The following SPAG16 variants were observed in gnomAD, a reference collection of about 807,000 sequenced individuals.
SPAG16 encodes sperm associated antigen 16.
SPAG16 carries 86 observed loss-of-function variants against 80.4 expected under a neutral mutation model. That is an observed-to-expected ratio of 1.07 (90% CI 0.90 to 1.28). The LOEUF (loss-of-function observed/expected upper bound fraction) is 1.28, where lower values mean the gene tolerates loss of function less well. Ranked by LOEUF, SPAG16 falls within the 50% of genes most tolerant of loss-of-function variation. The pLI is 0.00. For missense variants in SPAG16, 870 were observed against 765.3 expected, an observed-to-expected ratio of 1.14 and a Z score of -1.61; for synonymous variants, 294 against 265.9, an observed-to-expected ratio of 1.11 and a Z score of -1.03.
chr2:214,185,761 A>C (rs2057447718), intron 15 of SPAG16, among the ~76,000 whole-genome samples: 1 of 152,100 alleles, frequency 6.6e-6, no homozygotes, highest in Admixed American at 6.6e-5. Flanking sequence ...GCTAAATGGA[A>C]CAGATGTATG....
At chr2:213,387,734 G>A (rs552384991) in intron 9 of SPAG16, among the ~76,000 whole-genome samples, 7 of 151,922 alleles carry the variant, frequency 4.6e-5, no homozygotes, top group South Asian at 2.1e-4. Flanking sequence ...GATTACAGGC[G>A]TGAGCCACCG....
At chr2:213,402,174 T>C (rs1182558687) in intron 9 of SPAG16, among the ~76,000 whole-genome samples, 1 of 152,066 alleles carries the variant, frequency 6.6e-6, no homozygotes, top group Admixed American at 6.5e-5. Flanking sequence ...TTTTTAAAAA[T>C]TTATTTCATG....
At chr2:213,737,632 C>A (rs2067348964) in intron 10 of SPAG16, among the ~76,000 whole-genome samples, 1 of 151,848 alleles carries the variant, frequency 6.6e-6, no homozygotes, top group African/African-American at 2.4e-5. Context: ...GGACTATAGG[C>A]GCCCGCCACC....
chr2:213,724,353 T>C (rs191648851), intron 10 of SPAG16, among the ~76,000 whole-genome samples: 147 of 152,174 alleles, frequency 9.7e-4, no homozygotes, highest in Admixed American at 4.3e-3. Flanking sequence ...ATTGGTAACT[T>C]TAGCATTAAG....
chr2:213,594,908 G>A (rs2060835767), intron 10 of SPAG16, among the ~76,000 whole-genome samples: 1 of 151,768 alleles, frequency 6.6e-6, no homozygotes, highest in African/African-American at 2.4e-5. Flanking sequence ...AATGATTTTG[G>A]AATTAACTTA....
intron 10 of SPAG16, among the ~76,000 whole-genome samples, chr2:213,573,878 C>A (rs186149869): frequency 6.6e-6 from 1 of 152,246 alleles, no homozygotes; most frequent in Admixed American, 6.5e-5. Context: ...AAGTTTAGGG[C>A]AACCTAAACC....
intron 9 of SPAG16, among the ~76,000 whole-genome samples, chr2:213,437,013 G>A (rs1201336322): frequency 6.6e-6 from 1 of 151,812 alleles, no homozygotes; most frequent in African/African-American, 2.4e-5. Context: ...CTGGGTTCAC[G>A]CCATTCTCCT....
intron 13 of SPAG16, among the ~76,000 whole-genome samples, chr2:214,095,657 A>C (rs1360894137): frequency 6.6e-6 from 1 of 152,082 alleles, no homozygotes. Flanking sequence ...TTATAGAAAA[A>C]AATGAAAACT....
chr2:214,080,690 A>T (rs919037066), intron 13 of SPAG16, among the ~76,000 whole-genome samples: 2 of 152,146 alleles, frequency 1.3e-5, no homozygotes, highest in African/African-American at 4.8e-5. Context: ...TATTTTATGA[A>T]TAACTTAGGG....
chr2:213,623,269 T>TTGTGAA (rs1221120597), intron 10 of SPAG16, among the ~76,000 whole-genome samples: 9 of 152,212 alleles, frequency 5.9e-5, no homozygotes, highest in African/African-American at 2.2e-4. Flanking sequence ...AAGGAGCTAC[T>TTGTGAA]GGTTTATCAT....
At chr2:214,297,566 G>A (rs987871745) in intron 15 of SPAG16, among the ~76,000 whole-genome samples, 2 of 151,940 alleles carry the variant, frequency 1.3e-5, no homozygotes, top group Non-Finnish European at 2.9e-5. Flanking sequence ...GCCATTTATT[G>A]GATGATATTG....
At chr2:213,686,711 G>C (rs61132261) in intron 10 of SPAG16, among the ~76,000 whole-genome samples, 2 of 100,910 alleles carry the variant, frequency 2.0e-5, no homozygotes, top group Non-Finnish European at 3.6e-5. Context: ...TTTTGAGACA[G>C]AGTCTCGCTC....
chr2:213,833,531 T>TATAA (rs1559506315), intron 10 of SPAG16, among the ~76,000 whole-genome samples: 1 of 1,198 alleles, frequency 8.3e-4, no homozygotes, highest in African/African-American at 2.5e-3. Context: ...AATATATATA[T>TATAA]TATATATAAT....
At chr2:214,169,851 G>A (rs1285464002) in intron 15 of SPAG16, among the ~76,000 whole-genome samples, 3 of 151,852 alleles carry the variant, frequency 2.0e-5, no homozygotes, top group African/African-American at 7.3e-5. Flanking sequence ...AATTATCCTG[G>A]GGATAAAAAG....
At chr2:213,801,219 G>A (rs536438374) in intron 10 of SPAG16, among the ~76,000 whole-genome samples, 5 of 152,208 alleles carry the variant, frequency 3.3e-5, no homozygotes, top group South Asian at 2.1e-4. Context: ...GGAGCTTTGC[G>A]TGTGTGTGTG....
intron 15 of SPAG16, among the ~76,000 whole-genome samples, chr2:214,195,303 T>TGATAGATAGATA (rs78351450): frequency 0.082 from 12,050 of 146,630 alleles, 594 homozygotes; most frequent in Middle Eastern, 0.14. Context: ...AGATGAGAGA[T>TGATAGATAGATA]GATAGATAGA....
At chr2:214,170,244 G>T (rs989583279) in intron 15 of SPAG16, among the ~76,000 whole-genome samples, 4 of 136,194 alleles carry the variant, frequency 2.9e-5, no homozygotes, top group Non-Finnish European at 6.9e-5. Flanking sequence ...ACACACTTAG[G>T]TGTGTATACA....
rs2063439739 is a variant in SPAG16, at chr2:213,317,337, C to A, written c.517C>A (p.His173Asn). 4 of 1,608,960 alleles carry A rather than the reference C, an allele frequency of 2.5e-6. No homozygotes were observed. Among genetic ancestry groups the A allele is most frequent in the Non-Finnish European group, 3.4e-6 (4 of 1,177,508 alleles). Residue 173 changes from histidine (H) to asparagine (N), a missense_variant, in exon 5 of 16, where the codon CAC becomes AAC. His to Asn is a moderately conservative substitution (Grantham distance 68, BLOSUM62 1). Transcript: ENST00000331683. ...CAAAAATTTAAAGAAAGATTTGAAG[C>A]ACTACAAACAAGCAGCTGAGTATGT... ...ENKNLKKDLK[H>N]YKQAADKARE...
chr2:214,059,222 G>GTATATATATATATATATATATATATATA (rs34244219), intron 13 of SPAG16, among the ~76,000 whole-genome samples: 2 of 121,464 alleles, frequency 1.6e-5, no homozygotes, highest in African/African-American at 6.8e-5. Flanking sequence ...ATATGTATGT[G>GTATATATATATATATATATATATATATA]TATATATATA....
Sources: gnomAD v4.1 joint callset for allele counts (sites outside exome capture counted in the v4.1 genomes callset) on GRCh38, gnomAD v4.1.1 for gene constraint, MANE v1.5 for transcripts, NCBI Gene and HGNC (gene_info 2026-07-23, HGNC 2026-07-21) for gene names.